AFF3: variants seen among roughly 807,000 people sequenced by gnomAD.
AFF3 encodes ALF transcription elongation factor 3.
In AFF3, 32 loss-of-function variants were observed where a neutral mutation model predicts 129.7. The ratio of observed to expected loss-of-function variants is 0.25; its 90% CI spans 0.19 to 0.33. AFF3 has a LOEUF of 0.33. Among genes scored for constraint, AFF3 ranks in the 10% least tolerant of loss-of-function variants. AFF3 has a pLI of 1.00. For synonymous variants in AFF3, 644 were observed against 635.4 expected (o/e 1.01, Z -0.20); for missense variants, 1,373 against 1,592.0 (o/e 0.86, Z 2.34).
intron 4 of AFF3, among the ~76,000 whole-genome samples, chr2:100,073,783 T>A (rs1688382995): frequency 6.6e-6 from 1 of 152,202 alleles, no homozygotes; most frequent in Non-Finnish European, 1.5e-5. Context: ...TTCATAGGAA[T>A]CCTGTTTATT....
chr2:100,106,436 GAAAAAA>G, intron 2 of AFF3: 1 of 1,013,188 alleles, frequency 9.9e-7, no homozygotes, highest in Non-Finnish European at 1.2e-6. Context: ...TTTGGAAAAA[GAAAAAA>G]AAGAAAAAGA....
At chr2:99,598,239 AT>A (rs1259710526) in intron 14 of AFF3, among the ~76,000 whole-genome samples, 4 of 151,866 alleles carry the variant, frequency 2.6e-5, no homozygotes, top group South Asian at 2.1e-4. Flanking sequence ...TTTTTATTTT[AT>A]TTTTTTCCTC....
intron 8 of AFF3, among the ~76,000 whole-genome samples, chr2:99,758,761 T>C (rs1682334926): frequency 6.6e-6 from 1 of 152,116 alleles, no homozygotes; most frequent in Admixed American, 6.6e-5. Context: ...ATCTCCATAG[T>C]ACAGCAAGGA....
At chr2:100,078,279 G>A (rs1325816493) in intron 4 of AFF3, among the ~76,000 whole-genome samples, 2 of 152,194 alleles carry the variant, frequency 1.3e-5, no homozygotes, top group Non-Finnish European at 2.9e-5. Flanking sequence ...GATACTGTAA[G>A]CGAATATACA....
chr2:99,582,805 T>A lies in AFF3; in HGVS notation c.2786A>T (p.Asp929Val), dbSNP rs747509423. The change falls in exon 17 of 25, where the codon GAC becomes GTC. Residue 929 changes from aspartate to valine, a missense_variant. Physicochemically the swap from Asp to Val is radical, Grantham distance 152. Transcript: ENST00000672756. ...ADSQLQPHGG[D>V]LTKAAHNNSE... The stretch of plus-strand genomic sequence containing the variant: ...GGAAGAGCATCAACAAACCGTGAGG[T>A]CTCCGCCGTGAGGCTGCAGCTGGCT... 6.8e-6 allele frequency: 11 copies of A among 1,614,014 alleles called. No individual in the cohort carries two copies. The highest frequency in any genetic ancestry group is 9.3e-6 in the Non-Finnish European group (11 of 1,179,994).
rs1688642542 is a variant in AFF3, at chr2:99,833,337, G to T, written c.921+4140C>A. Among the ~76,000 whole-genome samples the T allele has an allele frequency of 3.3e-5, 5 of 152,224 alleles. No homozygotes were observed. In the South Asian group the frequency reaches 8.3e-4, roughly 25 times the overall value. On this transcript the variant is annotated intron_variant, in intron 8 of 24. Coordinates refer to ENST00000672756, the MANE Select transcript of AFF3 (RefSeq NM_001386135.1). Reference sequence around the variant, plus strand: ...CTATAATGTCAGGAAACTGGCTGAGGTCTCCAAAATTTAAACAAGTACTAC... The same window carrying T: ...CTATAATGTCAGGAAACTGGCTGAGTTCTCCAAAATTTAAACAAGTACTAC...
chr2:99,857,097 G>A (rs1039587747), intron 7 of AFF3, among the ~76,000 whole-genome samples: 1 of 151,616 alleles, frequency 6.6e-6, no homozygotes, highest in African/African-American at 2.4e-5. Context: ...ATTTGCATAG[G>A]TACATAGGTT....
intron 7 of AFF3, among the ~76,000 whole-genome samples, chr2:100,005,027 T>C (rs532753028): frequency 6.6e-6 from 1 of 152,272 alleles, no homozygotes; most frequent in Admixed American, 6.5e-5. Flanking sequence ...ATGGAACACT[T>C]CCCATAGAAA....
intron 4 of AFF3, among the ~76,000 whole-genome samples, chr2:100,080,178 A>C (rs1688934097): frequency 6.6e-6 from 1 of 152,220 alleles, no homozygotes; most frequent in African/African-American, 2.4e-5. Flanking sequence ...ATCAGGTCGG[A>C]TGTCAAATTC....
At chr2:100,017,451 GC>G (rs1028320720) in intron 4 of AFF3, among the ~76,000 whole-genome samples, 1 of 152,132 alleles carries the variant, frequency 6.6e-6, no homozygotes, top group Non-Finnish European at 1.5e-5. Flanking sequence ...CTCTACTTTA[GC>G]TATGCTGACC....
chr2:100,027,066 A>G (rs1684111075), intron 4 of AFF3, among the ~76,000 whole-genome samples: 3 of 152,278 alleles, frequency 2.0e-5, no homozygotes, highest in African/African-American at 7.2e-5. Flanking sequence ...CCTGTACCCC[A>G]ATAACCTATG....
chr2:100,056,061 T>TCACACACACACACACA (rs760665941), intron 4 of AFF3, among the ~76,000 whole-genome samples: 10 of 133,536 alleles, frequency 7.5e-5, no homozygotes, highest in African/African-American at 2.1e-4. Context: ...GCTGTCTCTC[T>TCACACACACACACACA]CTCACACACA....
At chr2:99,856,754 C>T (rs751674012) in intron 7 of AFF3, among the ~76,000 whole-genome samples, 5 of 152,098 alleles carry the variant, frequency 3.3e-5, no homozygotes, top group African/African-American at 4.8e-5. Context: ...ACTCCAGAGA[C>T]CCCATTTAAA....
rs72955714 is a variant in AFF3, at chr2:100,002,857, C to A, written c.873+3775G>T. On this transcript the variant is annotated intron_variant, in intron 7 of 24. Transcript: ENST00000672756. ...CAACTGCAAAAGGCCCAGGACACTC[C>A]TGTGTTGTCTCAATGGCTCTGCATG... Among the ~76,000 whole-genome samples, 1,317 of 152,324 alleles carry A rather than the reference C, an allele frequency of 8.6e-3. 16 individuals carry two copies. Among genetic ancestry groups the A allele is most frequent in the African/African-American group, 0.029 (1,206 of 41,564 alleles).
chr2:99,829,799 T>G (rs1304671103), intron 8 of AFF3, among the ~76,000 whole-genome samples: 1 of 152,212 alleles, frequency 6.6e-6, no homozygotes, highest in African/African-American at 2.4e-5. Flanking sequence ...CAAAGGATTA[T>G]AAATCACTCT....
Position 99,551,151 on chromosome 2 carries a change from ACGG to A in AFF3, c.*320_*322del. On this transcript the variant is annotated 3_prime_UTR_variant, in exon 25 of 25. Transcript: ENST00000672756. ...TGTGTCTGTGATTGTGTGTGAGTGT[ACGG>A]TGTGTGTGTGTGTGTGTGTGTGTGT... 2.4e-6 allele frequency: 1 copy of A among 423,694 alleles called. No homozygotes were observed. Among genetic ancestry groups the A allele is most frequent in the Non-Finnish European group, 4.2e-6 (1 of 239,800 alleles). The allele number at this position is 423,694 out of a possible 1,614,324, so 26.2% of individuals were successfully genotyped here.
intron 7 of AFF3, among the ~76,000 whole-genome samples, chr2:99,944,618 C>T (rs1194990424): frequency 6.6e-6 from 1 of 152,098 alleles, no homozygotes; most frequent in Non-Finnish European, 1.5e-5. Context: ...TCAACCTGCT[C>T]TACTACTTTT....
intron 8 of AFF3, among the ~76,000 whole-genome samples, chr2:99,780,950 T>C (rs897684944): frequency 5.9e-5 from 9 of 152,146 alleles, no homozygotes; most frequent in Non-Finnish European, 1.3e-4. Context: ...AGAGGGATCA[T>C]TTAAAACACA....
intron 3 of AFF3, 59 bp downstream of exon 3, chr2:100,105,445 C>T (rs2105507506): frequency 7.6e-7 from 1 of 1,321,154 alleles, no homozygotes; most frequent in African/African-American, 1.5e-5. Flanking sequence ...AGTGGTGGTC[C>T]CACCCACCCT....
Sources: allele counts gnomAD v4.1 joint callset (sites outside exome capture counted in the v4.1 genomes callset), GRCh38; gene constraint gnomAD v4.1.1; transcripts MANE v1.5; gene names NCBI Gene and HGNC (gene_info 2026-07-23, HGNC 2026-07-21).